The following DLGAP2 variants were observed in gnomAD, a reference collection of about 807,000 sequenced individuals.
The protein encoded by DLGAP2 is disks large-associated protein 2.
Under a neutral mutation model 100.3 loss-of-function variants are expected in DLGAP2, and 26 were observed. That is an observed-to-expected ratio of 0.26 (90% CI 0.19 to 0.36). The LOEUF is 0.36. DLGAP2 is among the 10% of genes least tolerant of loss of function. The pLI, the probability that DLGAP2 is intolerant of heterozygous loss-of-function variation, is 1.00. For synonymous variants in DLGAP2, 886 were observed against 630.1 expected (o/e 1.41, Z -6.08); for missense variants, 1,858 against 1,453.2 (o/e 1.28, Z -4.53).
intron 2 of DLGAP2, among the ~76,000 whole-genome samples, chr8:1,033,321 C>A (rs571700839): frequency 6.6e-6 from 1 of 152,146 alleles, no homozygotes; most frequent in African/African-American, 2.4e-5. Context: ...ACAAGAGCTT[C>A]TTATCTCTGT....
rs180713063 is a variant in DLGAP2, at chr8:813,630, C to T, written c.18+75805C>T. 4.5e-3 allele frequency among the ~76,000 whole-genome samples: 687 copies of T among 152,272 alleles called. 1 individual carries two copies. The highest frequency in any genetic ancestry group is 7.4e-3 in the Non-Finnish European group (500 of 68,022). On this transcript the variant is annotated intron_variant, in intron 1 of 14. Transcript: ENST00000637795. ...GTTTTAAAGGAGGTGAGGGCCTAGACACTCGCTGATGCTGCTGGCTGAACC... is the reference window on the plus strand; with the variant it reads ...GTTTTAAAGGAGGTGAGGGCCTAGATACTCGCTGATGCTGCTGGCTGAACC...
intron 2 of DLGAP2, among the ~76,000 whole-genome samples, chr8:1,201,225 G>T (rs1797865724): frequency 6.6e-6 from 1 of 152,206 alleles, no homozygotes; most frequent in South Asian, 2.1e-4. Context: ...AGAACCAGGG[G>T]TGCATGCACG....
In DLGAP2 at chr8:1,359,110, A is replaced by T. The variant is rs114202980; in HGVS notation, c.106+100227A>T. Reference sequence around the variant, plus strand: ...ATTCCCAGGGGTTGCTGAGGTCATCAGTCCGGGGACTGCACGTGGAGAACC... The same window carrying T: ...ATTCCCAGGGGTTGCTGAGGTCATCTGTCCGGGGACTGCACGTGGAGAACC... On this transcript the variant is annotated intron_variant, in intron 3 of 14. Transcript: ENST00000637795. 6.7e-3 allele frequency among the ~76,000 whole-genome samples: 1,024 copies of T among 152,316 alleles called. 4 individuals carry two copies. Among genetic ancestry groups the T allele is most frequent in the Non-Finnish European group, 0.011 (766 of 68,030 alleles).
At chr8:1,508,672 C>CG (rs1463822501) in intron 4 of DLGAP2, among the ~76,000 whole-genome samples, 1 of 149,006 alleles carries the variant, frequency 6.7e-6, no homozygotes, top group African/African-American at 2.5e-5. Context: ...CTCAACGTGG[C>CG]GGGGGAGTTG....
Position 877,243 on chromosome 8 carries a change from T to A in DLGAP2, c.19-30669T>A, listed in dbSNP as rs79932718. ...TTTTGTCAGAAACTGGACATTTTGATATATAATGTCACAGTTCTTGCCAGT... is the reference window on the plus strand; with the variant it reads ...TTTTGTCAGAAACTGGACATTTTGAAATATAATGTCACAGTTCTTGCCAGT... On this transcript the variant is annotated intron_variant, in intron 1 of 14. Coordinates refer to ENST00000637795, the MANE Select transcript of DLGAP2 (RefSeq NM_001346810.2). Among the ~76,000 whole-genome samples, 8 of 152,334 alleles carry A rather than the reference T, an allele frequency of 5.3e-5. No homozygotes were observed. The East Asian group carries it at 1.5e-3, about 29-fold the overall frequency.
chr8:1,097,389 G>A (rs1420906876), intron 2 of DLGAP2, among the ~76,000 whole-genome samples: 2 of 130,720 alleles, frequency 1.5e-5, no homozygotes, highest in Non-Finnish European at 3.2e-5. Flanking sequence ...TGGGAGCCCG[G>A]GGCAGGCCTT....
rs545620745 is a variant in DLGAP2, at chr8:786,535, GGCA to G, written c.18+48711_18+48713del. 7.9e-5 allele frequency among the ~76,000 whole-genome samples: 12 copies of G among 152,282 alleles called. No individual in the cohort carries two copies. The East Asian group carries it at 2.1e-3, about 27-fold the overall frequency. On this transcript the variant is annotated intron_variant, in intron 1 of 14. Transcript: ENST00000637795. ...TTGAAGCAGCCTTGCTGTACACAAAGGCACTGCGCGGCCACAGAGAGGTGAGTG... is the reference window on the plus strand; with the variant it reads ...TTGAAGCAGCCTTGCTGTACACAAAGCTGCGCGGCCACAGAGAGGTGAGTG...
chr8:1,310,646 T>G (rs10101434), intron 3 of DLGAP2, among the ~76,000 whole-genome samples: 31,799 of 145,506 alleles, frequency 0.22, 3,587 homozygotes, highest in South Asian at 0.29. Context: ...AAAAGTTGGG[T>G]TTTTTTTTGT....
At chr8:1,306,776 G>A (rs1800501357) in intron 3 of DLGAP2, among the ~76,000 whole-genome samples, 1 of 152,168 alleles carries the variant, frequency 6.6e-6, no homozygotes. Context: ...TGATAAGGGT[G>A]CCAAGACCAT....
At chr8:1,466,918 T>C (rs1798643210) in intron 3 of DLGAP2, among the ~76,000 whole-genome samples, 1 of 152,214 alleles carries the variant, frequency 6.6e-6, no homozygotes. Flanking sequence ...AACACACCTT[T>C]TAGAAATTAG....
chr8:1,696,218 C>A (rs998592212), intron 13 of DLGAP2, among the ~76,000 whole-genome samples: 1 of 152,196 alleles, frequency 6.6e-6, no homozygotes, highest in Non-Finnish European at 1.5e-5. Context: ...ATGTAGGGAG[C>A]AAGCCGGGCA....
rs190881636 is a variant in DLGAP2, at chr8:1,684,143, G to A, written c.2704+5514G>A. 2.9e-3 allele frequency among the ~76,000 whole-genome samples: 434 copies of A among 149,056 alleles called. 5 individuals are homozygous for A. The highest frequency in any genetic ancestry group is 1.0e-2 in the African/African-American group (406 of 40,784). Reference sequence around the variant, plus strand: ...ATTACAGCTGAATGCCCCTACACCCGGCTAATTTTTAATCAGAAAATGTAA... The same window carrying A: ...ATTACAGCTGAATGCCCCTACACCCAGCTAATTTTTAATCAGAAAATGTAA... On this transcript the variant is annotated intron_variant, in intron 12 of 14. Transcript: ENST00000637795.
chr8:1,412,816 C>G (rs1204326465), intron 3 of DLGAP2, among the ~76,000 whole-genome samples: 1 of 152,226 alleles, frequency 6.6e-6, no homozygotes, highest in South Asian at 2.1e-4. Flanking sequence ...CCCTCCCCAG[C>G]AGATGGCCTG....
intron 8 of DLGAP2, among the ~76,000 whole-genome samples, chr8:1,664,492 G>C (rs1337832045): frequency 6.6e-6 from 1 of 152,172 alleles, no homozygotes; most frequent in Non-Finnish European, 1.5e-5. Flanking sequence ...CTGGGGCCAG[G>C]CTCTTAGGCT....
At chr8:1,512,555 G>C (rs1350670533) in intron 4 of DLGAP2, among the ~76,000 whole-genome samples, 1 of 152,160 alleles carries the variant, frequency 6.6e-6, no homozygotes, top group Non-Finnish European at 1.5e-5. Flanking sequence ...ACTCCCCCGA[G>C]AGAGGCCAAC....
intron 1 of DLGAP2, among the ~76,000 whole-genome samples, chr8:833,752 T>C (rs920786096): frequency 1.3e-5 from 2 of 152,226 alleles, no homozygotes; most frequent in Non-Finnish European, 2.9e-5. Flanking sequence ...TTGTTTTTTA[T>C]TTAAATGTAT....
chr8:1,614,834 G>T (rs61435031), intron 6 of DLGAP2, among the ~76,000 whole-genome samples: 2,852 of 143,128 alleles, frequency 0.02, 94 homozygotes, highest in African/African-American at 0.083. Context: ...ACACACACAT[G>T]CATTGCACGT....
At chr8:851,867 C>T (rs970107980) in intron 1 of DLGAP2, among the ~76,000 whole-genome samples, 14 of 152,182 alleles carry the variant, frequency 9.2e-5, no homozygotes, top group African/African-American at 3.4e-4. Context: ...AGGGGGCCCC[C>T]GCTGCGTTTC....
chr8:941,366 C>T (rs1423235031), intron 2 of DLGAP2, among the ~76,000 whole-genome samples: 1 of 152,086 alleles, frequency 6.6e-6, no homozygotes, highest in Non-Finnish European at 1.5e-5. Flanking sequence ...GTCCCAAGCC[C>T]GGTCCAAGCA....
Sources: gnomAD v4.1 joint callset for allele counts (sites outside exome capture counted in the v4.1 genomes callset) on GRCh38, gnomAD v4.1.1 for gene constraint, MANE v1.5 for transcripts, NCBI Gene and HGNC (gene_info 2026-07-23, HGNC 2026-07-21) for gene names.